CYB561: variants seen among roughly 807,000 people sequenced by gnomAD.
CYB561 encodes cytochrome b561.
In CYB561, 11 loss-of-function variants were observed where a neutral mutation model predicts 25.3. That is an observed-to-expected ratio of 0.44 (90% CI 0.27 to 0.72). The LOEUF (loss-of-function observed/expected upper bound fraction) is 0.72. CYB561 is among the 30% of genes least tolerant of loss of function. CYB561 has a pLI of 0.18. For synonymous variants in CYB561, 165 were observed against 158.8 expected, an observed-to-expected ratio of 1.04 and a Z score of -0.29; for missense variants, 295 against 334.9, an observed-to-expected ratio of 0.88 and a Z score of 0.93.
chr17:63,438,767 G>A (rs2049344297), intron 1 of CYB561, among the ~76,000 whole-genome samples: 1 of 152,164 alleles, frequency 6.6e-6, no homozygotes, highest in African/African-American at 2.4e-5. Context: ...AGAAGGCCCC[G>A]CTAAGAGCCC....
chr17:63,441,943 C>T (rs910753583), intron 1 of CYB561, among the ~76,000 whole-genome samples: 1 of 152,234 alleles, frequency 6.6e-6, no homozygotes, highest in African/African-American at 2.4e-5. Flanking sequence ...GAAGGGGTTA[C>T]AGGAGGGCAA....
rs529653382 is a variant in CYB561, at chr17:63,436,156, T to G, written c.203-4A>C. 1.9e-6 allele frequency: 3 copies of G among 1,613,622 alleles called. No homozygotes were observed. Among genetic ancestry groups the G allele is most frequent in the Non-Finnish European group, 2.5e-6 (3 of 1,179,666 alleles). On this transcript the variant is annotated splice_region_variant and splice_polypyrimidine_tract_variant and intron_variant, in intron 2 of 5. Coordinates refer to ENST00000360793, the MANE Select transcript of CYB561 (RefSeq NM_001915.4). The surrounding 1 kb of genome is among the most constrained non-coding windows in gnomAD (Gnocchi z 4.8). Reference sequence around the variant, plus strand: ...AAGACACGGTAAACCAGCAGGGCTGTGGGAGGTGAGAGAGGGAACGTGAGT... The same window carrying G: ...AAGACACGGTAAACCAGCAGGGCTGGGGGAGGTGAGAGAGGGAACGTGAGT...
intron 1 of CYB561, among the ~76,000 whole-genome samples, chr17:63,438,617 G>A (rs2049342487): frequency 1.3e-5 from 2 of 152,202 alleles, no homozygotes; most frequent in Admixed American, 1.3e-4. Context: ...CCCTCAGGGA[G>A]GTTTCCAAAA....
In CYB561 at chr17:63,436,261, G is replaced by C. The variant is rs1353780591; in HGVS notation, c.203-109C>G. 1 of 1,344,278 alleles carries C rather than the reference G, an allele frequency of 7.4e-7. No homozygotes were observed. The highest frequency in any genetic ancestry group is 1.0e-6 in the Non-Finnish European group (1 of 980,504). 83.3% of individuals were successfully genotyped at this position (1,344,278 alleles called of 1,614,324 possible). On this transcript the variant is annotated intron_variant, in intron 2 of 5. Transcript: ENST00000360793. The surrounding 1 kb of genome is among the most constrained non-coding windows in gnomAD (Gnocchi z 4.8). Reference sequence around the variant, plus strand: ...GAGAGGTGATGTGAGCTGACGGCTTGTAACAGGAGCCTAGCTGCAGGAACC... The same window carrying C: ...GAGAGGTGATGTGAGCTGACGGCTTCTAACAGGAGCCTAGCTGCAGGAACC...
intron 3 of CYB561, 89 bp from the exon 4 acceptor site, chr17:63,435,880 C>T: frequency 6.3e-7 from 1 of 1,581,860 alleles, no homozygotes; most frequent in Non-Finnish European, 8.7e-7. Flanking sequence ...AGCGGGACTT[C>T]TGGGCTTTAG....
At chr17:63,446,417 G>T, upstream of CYB561, 1 of 151,922 alleles carries the variant, frequency 6.6e-6, no homozygotes, top group Non-Finnish European at 1.5e-5. Flanking sequence ...CACGTGCCAG[G>T]TCCCCGCGGT....
intron 1 of CYB561, among the ~76,000 whole-genome samples, chr17:63,442,267 G>C (rs1176097985): frequency 1.3e-5 from 2 of 152,194 alleles, no homozygotes; most frequent in African/African-American, 4.8e-5. Flanking sequence ...GGACATAATT[G>C]ATAACCCATT....
intron 1 of CYB561, chr17:63,445,880 G>A (rs2049418515): frequency 6.6e-6 from 1 of 152,264 alleles, no homozygotes; most frequent in Admixed American, 6.5e-5. Flanking sequence ...AAGGCTGGTT[G>A]GTCCATTTGC....
At chr17:63,440,815 A>C (rs1199242708) in intron 1 of CYB561, 1 of 152,292 alleles carries the variant, frequency 6.6e-6, no homozygotes, top group Non-Finnish European at 1.5e-5. Flanking sequence ...CGAGTCTAAC[A>C]GGAAAATGTA....
intron 3 of CYB561, 123 bp from the exon 4 acceptor site, chr17:63,435,914 C>T: frequency 1.9e-6 from 3 of 1,585,588 alleles, no homozygotes; most frequent in Non-Finnish European, 2.6e-6. Context: ...GCTGCCAGCA[C>T]CTAGTGGCCC....
intron 1 of CYB561, among the ~76,000 whole-genome samples, chr17:63,443,300 G>A (rs2049394566): frequency 6.6e-6 from 1 of 152,132 alleles, no homozygotes; most frequent in Non-Finnish European, 1.5e-5. Flanking sequence ...AGAGACACCA[G>A]GCCCTGACCA....
chr17:63,437,974 C>T (rs1165667537), intron 1 of CYB561: 1 of 652,536 alleles, frequency 1.5e-6, no homozygotes, highest in Non-Finnish European at 2.4e-6. Flanking sequence ...ACGGCGGCCC[C>T]GCCACCCTCC....
At position 63,436,525 on chromosome 17, in the gene CYB561, C is replaced by G. The variant is rs1301455508; in HGVS notation, c.203-373G>C. On this transcript the variant is annotated intron_variant, in intron 2 of 5. Transcript: ENST00000360793. The surrounding 1 kb of genome is among the most constrained non-coding windows in gnomAD (Gnocchi z 4.8). The stretch of plus-strand genomic sequence containing the variant: ...TGCCCGGCCCAGCAGACGCCCCCCT[C>G]CACCCACCTTCTTGTCAGGTGTCCT... The G allele has an allele frequency of 5.2e-6, 1 of 194,054 alleles. No homozygotes were observed. Among genetic ancestry groups the G allele is most frequent in the Non-Finnish European group, 1.1e-5 (1 of 92,674 alleles). The allele number at this position is 194,054 out of a possible 1,614,324, so 12.0% of individuals were successfully genotyped here.
At chr17:63,439,100 C>T (rs1030770404) in intron 1 of CYB561, 1 of 152,332 alleles carries the variant, frequency 6.6e-6, no homozygotes, top group Admixed American at 6.5e-5. Flanking sequence ...GGGGCACTGA[C>T]CCCCTTCACA....
At chr17:63,438,133 C>G (rs774888131) in intron 1 of CYB561, 1 of 1,535,220 alleles carries the variant, frequency 6.5e-7, no homozygotes, top group Non-Finnish European at 8.7e-7. Flanking sequence ...TGGGACACGA[C>G]GCCAGGAGTT....
chr17:63,437,594 C>T, intron 1 of CYB561, 34 bp from the exon 2 acceptor site: 7 of 1,559,064 alleles, frequency 4.5e-6, no homozygotes, highest in Non-Finnish European at 6.1e-6. Context: ...AGGAGCAGCG[C>T]ACAGCACCCC....
chr17:63,433,851 G>A lies in CYB561; in HGVS notation c.*551C>T, dbSNP rs1483266685. ...CACAGCCTCATCTCAGAGCTTCCCA[G>A]GGGCCAGTCCCTCCCCTCTCCTGGG... On this transcript the variant is annotated 3_prime_UTR_variant, in exon 6 of 6. Transcript: ENST00000360793. The A allele has an allele frequency of 5.8e-6, 1 of 172,120 alleles. No individual in the cohort carries two copies. Among genetic ancestry groups the A allele is most frequent in the Non-Finnish European group, 1.2e-5 (1 of 82,246 alleles). The allele number at this position is 172,120 out of a possible 1,614,324, so 10.7% of individuals were successfully genotyped here. A position where few individuals can be genotyped will look rare whatever the true frequency, so the allele number is the denominator to read the frequency against.
In CYB561 at chr17:63,433,807, G is replaced by A. The variant is rs2049261109; in HGVS notation, c.*595C>T. ...GGCTAAAGGGTTAAAGAAGAGGAAG[G>A]TCAGGACTACAGCTGGGCCACAGCC... On this transcript the variant is annotated 3_prime_UTR_variant, in exon 6 of 6. Coordinates refer to ENST00000360793, the MANE Select transcript of CYB561 (RefSeq NM_001915.4). 1 of 179,844 alleles carries A rather than the reference G, an allele frequency of 5.6e-6. No individual in the cohort carries two copies. Among genetic ancestry groups the A allele is most frequent in the African/African-American group, 2.3e-5 (1 of 42,566 alleles). 11.1% of individuals were successfully genotyped at this position (179,844 alleles called of 1,614,324 possible). A position where few individuals can be genotyped will look rare whatever the true frequency, so the allele number is the denominator to read the frequency against.
At chr17:63,434,771 T>G (rs2049275637) in intron 5 of CYB561, among the ~76,000 whole-genome samples, 177 bp from the exon 6 acceptor site, 2 of 151,426 alleles carry the variant, frequency 1.3e-5, no homozygotes, top group Admixed American at 1.3e-4. Flanking sequence ...CAGCTATGGC[T>G]CACAGACAAA....
Sources: allele counts gnomAD v4.1 joint callset (sites outside exome capture counted in the v4.1 genomes callset), GRCh38; gene constraint gnomAD v4.1.1; non-coding constraint Gnocchi (gnomAD v3.1); transcripts MANE v1.5; gene names NCBI Gene and HGNC (gene_info 2026-07-23, HGNC 2026-07-21).